The following LINC00632 variants were observed in gnomAD, a reference collection of about 807,000 sequenced individuals.
LINC00632 encodes ALDOA related specific transcript.
intron 2 of LINC00632, among the ~76,000 whole-genome samples, chrX:140,729,274 A>G (rs1217203890): frequency 9.1e-6 from 1 of 109,911 alleles, no homozygotes; most frequent in African/African-American, 3.3e-5. Context: ...ATCAGCCTGT[A>G]TCATATAGTA....
intron 2 of LINC00632, among the ~76,000 whole-genome samples, chrX:140,712,408 CTT>C (rs61359627): frequency 1.9e-3 from 160 of 84,405 alleles, no homozygotes; most frequent in East Asian, 3.7e-3. Context: ...CCTTCAACCT[CTT>C]TTTTTTTTTT....
At chrX:140,752,404 TGC>T (rs933285900) in intron 3 of LINC00632, among the ~76,000 whole-genome samples, 2 of 111,854 alleles carry the variant, frequency 1.8e-5, no homozygotes, top group African/African-American at 6.5e-5. Context: ...CATAGTCATT[TGC>T]TTATATCTTC....
At chrX:140,713,813 C>A (rs1394220125) in intron 2 of LINC00632, 1 of 325,952 alleles carries the variant, frequency 3.1e-6, no homozygotes, top group Non-Finnish European at 6.1e-6. Flanking sequence ...CACACTGATG[C>A]ACCCCGCATG....
intron 2 of LINC00632, among the ~76,000 whole-genome samples, chrX:140,731,281 G>A (rs1346275245): frequency 8.9e-6 from 1 of 111,884 alleles, no homozygotes; most frequent in Admixed American, 9.6e-5. Context: ...AGGATTAAAT[G>A]AGATAACTTC....
chrX:140,783,167 A>G (rs1195667427), exon 5 of LINC00632: 3 of 150,465 alleles, frequency 2.0e-5, no homozygotes, highest in Non-Finnish European at 3.8e-5. Flanking sequence ...AATGTTTCCA[A>G]TGTCCAGGGT....
chrX:140,741,340 A>T (rs1239983173), intron 3 of LINC00632, among the ~76,000 whole-genome samples: 1 of 112,281 alleles, frequency 8.9e-6, no homozygotes, highest in African/African-American at 3.2e-5. Context: ...TAAATATTCC[A>T]GTGGGTACTA....
chrX:140,750,551 C>T (rs1488734059), intron 3 of LINC00632, among the ~76,000 whole-genome samples: 3 of 110,855 alleles, frequency 2.7e-5, no homozygotes, highest in Non-Finnish European at 5.7e-5. Context: ...GCATCATATA[C>T]ACAATAAATA....
chrX:140,772,530 G>C (rs767542532), exon 4 of LINC00632: 3 of 289,461 alleles, frequency 1.0e-5, no homozygotes, highest in Non-Finnish European at 1.8e-5. Flanking sequence ...AGAGATGCAA[G>C]AAGAGTAAAG....
chrX:140,759,127 G>A (rs1047957848), intron 3 of LINC00632, among the ~76,000 whole-genome samples: 3 of 103,287 alleles, frequency 2.9e-5, no homozygotes, highest in Non-Finnish European at 5.8e-5. Context: ...ACCATGCCCA[G>A]TTAATTTTGT....
Position 140,771,367 on chromosome X carries a change from T to C in LINC00632, n.192-711T>C, listed in dbSNP as rs184583916. Among the ~76,000 whole-genome samples the C allele has an allele frequency of 6.0e-3, 638 of 107,195 alleles. 4 individuals carry two copies. Among genetic ancestry groups the C allele is most frequent in the African/African-American group, 0.02 (556 of 28,386 alleles). The allele number at this position is 107,195 out of a possible 115,157, so 93.1% of individuals were successfully genotyped here. A position where few individuals can be genotyped will look rare whatever the true frequency, so the allele number is the denominator to read the frequency against. On this transcript the variant is annotated intron_variant and non_coding_transcript_variant, in intron 3 of 4. Transcript: ENST00000648200. ...AATAAGTTCTCTAAAATGTTAACAGTACCTATAAATCAGTAAGAAAAAAAT... is the reference window on the plus strand; with the variant it reads ...AATAAGTTCTCTAAAATGTTAACAGCACCTATAAATCAGTAAGAAAAAAAT...
intron 3 of LINC00632, among the ~76,000 whole-genome samples, chrX:140,741,219 A>G (rs775013284): frequency 1.8e-5 from 2 of 112,389 alleles, no homozygotes; most frequent in South Asian, 7.4e-4. Context: ...GATGTAAAAG[A>G]TGATTTATTC....
chrX:140,762,560 A>G (rs1931619114), intron 3 of LINC00632, among the ~76,000 whole-genome samples: 1 of 112,387 alleles, frequency 8.9e-6, no homozygotes, highest in South Asian at 3.7e-4. Flanking sequence ...TATTTGTAAC[A>G]CCACTTTATA....
At chrX:140,710,737 C>A (rs1459565916) in intron 1 of LINC00632, among the ~76,000 whole-genome samples, 1 of 110,332 alleles carries the variant, frequency 9.1e-6, no homozygotes, top group Non-Finnish European at 1.9e-5. Context: ...AAATAGATTT[C>A]GTTTTTGAGT....
At chrX:140,742,874 AG>A (rs1569351787) in intron 3 of LINC00632, among the ~76,000 whole-genome samples, 971 of 94,610 alleles carry the variant, frequency 0.01, 18 homozygotes, top group African/African-American at 0.037. Context: ...AGAGAGAGAG[AG>A]AGAGGAAGGA....
chrX:140,749,720 C>T (rs1020873335), intron 3 of LINC00632, among the ~76,000 whole-genome samples: 2 of 110,778 alleles, frequency 1.8e-5, no homozygotes, highest in Non-Finnish European at 1.9e-5. Flanking sequence ...TGCTGTGTCT[C>T]CCAAGCTGGG....
intron 2 of LINC00632, among the ~76,000 whole-genome samples, chrX:140,728,054 A>G (rs1930992301): frequency 9.0e-6 from 1 of 110,600 alleles, no homozygotes; most frequent in Non-Finnish European, 1.9e-5. Context: ...CAGCCTGACC[A>G]ACATGGGGAA....
chrX:140,743,321 AC>A (rs1488075941), intron 3 of LINC00632, among the ~76,000 whole-genome samples: 1 of 106,920 alleles, frequency 9.4e-6, no homozygotes, highest in African/African-American at 3.5e-5. Context: ...TTTTGATTAG[AC>A]AGGGACACGC....
chrX:140,774,309 T>C (rs772045559), intron 4 of LINC00632, among the ~76,000 whole-genome samples: 1 of 112,251 alleles, frequency 8.9e-6, no homozygotes, highest in African/African-American at 3.2e-5. Flanking sequence ...GACTTTCAGG[T>C]AAGGCTTAGA....
intron 3 of LINC00632, among the ~76,000 whole-genome samples, chrX:140,738,145 G>A (rs958231596): frequency 1.7e-4 from 19 of 111,430 alleles, no homozygotes; most frequent in African/African-American, 6.2e-4. Context: ...GATGACACAC[G>A]TTTGTGATTA....
Sources: allele counts gnomAD v4.1 joint callset (sites outside exome capture counted in the v4.1 genomes callset), GRCh38; gene constraint gnomAD v4.1.1; transcripts MANE v1.5; gene names NCBI Gene and HGNC (gene_info 2026-07-23, HGNC 2026-07-21).